Variants in MYCBPAP observed in about 807,000 individuals in gnomAD.
MYCBPAP encodes the protein MYCBP associated protein, also known as MYCBP-associated protein.
MYCBPAP carries 60 observed loss-of-function variants against 106.1 expected under a neutral mutation model. The observed-to-expected ratio is 0.57, with a 90% CI of 0.46 to 0.70. The LOEUF (loss-of-function observed/expected upper bound fraction) is 0.70. Among genes scored for constraint, MYCBPAP ranks in the 30% least tolerant of loss-of-function variants. The pLI is 0.00. For missense variants in MYCBPAP, 1,064 were observed against 1,169.3 expected (o/e 0.91, Z 1.31); for synonymous variants, 407 against 440.6 (o/e 0.92, Z 0.95).
At chr17:50,519,944 G>A (rs2034199327) in intron 7 of MYCBPAP, 157 bp downstream of exon 7, 1 of 758,744 alleles carries the variant, frequency 1.3e-6, no homozygotes, top group African/African-American at 1.8e-5. Context: ...TCTTCCTGAA[G>A]TCCGGCTCCC....
chr17:50,519,774 C>T lies in MYCBPAP; in HGVS notation c.903C>T (p.Ile301=). Residue 301 remains isoleucine (I), a synonymous_variant, in exon 7 of 19, where the codon ATC becomes ATT. Transcript: ENST00000323776. ...CTCACATCAGGAAGCCCCACTCCAT[C>T]CGGGTGGAGACAGGTGAGGCGCAGG... The part of the protein sequence containing the change: ...PITHIRKPHS[I]RVETGLPAQR... The T allele has an allele frequency of 6.2e-7, 1 of 1,613,740 alleles. No individual in the cohort carries two copies. Among genetic ancestry groups the T allele is most frequent in the Non-Finnish European group, 8.5e-7 (1 of 1,179,898 alleles).
chr17:50,520,620 A>G (rs760086721), intron 7 of MYCBPAP, among the ~76,000 whole-genome samples: 5 of 152,148 alleles, frequency 3.3e-5, no homozygotes, highest in Non-Finnish European at 7.3e-5. Context: ...TTTCAGTGAC[A>G]CGTGTGGCTT....
At chr17:50,515,166 C>T (rs1007692272) in intron 1 of MYCBPAP, among the ~76,000 whole-genome samples, 5 of 152,052 alleles carry the variant, frequency 3.3e-5, no homozygotes, top group Admixed American at 1.3e-4. Context: ...CCAGCTTCTT[C>T]AGCTCTATTT....
chr17:50,528,557 TCATGAAGC>T, intron 16 of MYCBPAP, 130 bp from the exon 17 acceptor site: 4 of 1,151,588 alleles, frequency 3.5e-6, no homozygotes, highest in Non-Finnish European at 4.9e-6. Flanking sequence ...CAGTCCTGTT[TCATGAAGC>T]CACGCGCCTA....
rs56894700 is a variant in MYCBPAP, at chr17:50,510,692, A to ATT, written c.76+1961_76+1962dup. Among the ~76,000 whole-genome samples the ATT allele has an allele frequency of 7.6e-3, 850 of 111,154 alleles. 26 individuals are homozygous for ATT. The highest frequency in any genetic ancestry group is 0.029 in the Middle Eastern group (6 of 206). 72.9% of individuals were successfully genotyped at this position (111,154 alleles called of 152,430 possible). On this transcript the variant is annotated intron_variant, in intron 1 of 18. Transcript: ENST00000323776. ...AGGTGCACACCACCATGCCTGGCAA[A>ATT]TTTTTTTTTTTTTTTTTTTTGTAGA...
chr17:50,514,015 CTG>C (rs1374003130), intron 1 of MYCBPAP, among the ~76,000 whole-genome samples: 1 of 152,178 alleles, frequency 6.6e-6, no homozygotes, highest in Non-Finnish European at 1.5e-5. Flanking sequence ...CAGAAACAGA[CTG>C]TGGATGATAG....
chr17:50,529,376 C>CT, intron 18 of MYCBPAP, 188 bp downstream of exon 18: 2 of 587,752 alleles, frequency 3.4e-6, no homozygotes, highest in Non-Finnish European at 6.0e-6. Context: ...ATGAGTACGA[C>CT]GGGAGAGAAG....
chr17:50,509,843 G>A (rs983080231), intron 1 of MYCBPAP: 1 of 152,320 alleles, frequency 6.6e-6, no homozygotes, highest in African/African-American at 2.4e-5. Flanking sequence ...TACAAATGCT[G>A]TGATGTAGGT....
intron 14 of MYCBPAP, 150 bp downstream of exon 14, chr17:50,526,417 T>TTTATTTAC: frequency 7.3e-6 from 3 of 410,770 alleles, no homozygotes; most frequent in Non-Finnish European, 1.1e-5. Context: ...TATCTATCTA[T>TTTATTTAC]TTATTTATTT....
chr17:50,511,527 A>G (rs978915789), intron 1 of MYCBPAP, among the ~76,000 whole-genome samples: 3 of 152,234 alleles, frequency 2.0e-5, no homozygotes, highest in African/African-American at 4.8e-5. Context: ...CAGAAGAAAT[A>G]GAGTCCGGGT....
intron 18 of MYCBPAP, chr17:50,529,744 CTCTT>C: frequency 2.2e-6 from 1 of 456,560 alleles, no homozygotes; most frequent in South Asian, 1.5e-5. Context: ...GGAAGCCCTT[CTCTT>C]TCTTACTCCC....
At chr17:50,523,852 G>A (rs1158087589) in intron 12 of MYCBPAP, 68 bp downstream of exon 12, 10 of 1,437,438 alleles carry the variant, frequency 7.0e-6, no homozygotes, top group Non-Finnish European at 9.5e-6. Context: ...TCCTGGCAGT[G>A]ACTGAAGGGA....
chr17:50,512,053 CTTTTTTTTTT>C (rs774304337), intron 1 of MYCBPAP, among the ~76,000 whole-genome samples: 1 of 131,856 alleles, frequency 7.6e-6, no homozygotes, highest in Non-Finnish European at 1.6e-5. Flanking sequence ...AGCAAGTTTT[CTTTTTTTTTT>C]TTTTTTGAGA....
At chr17:50,517,950 G>C (rs931698645) in intron 4 of MYCBPAP, among the ~76,000 whole-genome samples, 2 of 152,212 alleles carry the variant, frequency 1.3e-5, no homozygotes, top group African/African-American at 4.8e-5. Context: ...GAGTACCTGG[G>C]TCTGGGTAGA....
intron 9 of MYCBPAP, among the ~76,000 whole-genome samples, chr17:50,521,687 C>G (rs1278986622): frequency 6.6e-6 from 1 of 152,216 alleles, no homozygotes; most frequent in Non-Finnish European, 1.5e-5. Context: ...TCTCTAGACC[C>G]TCCCACTGCT....
At chr17:50,513,138 A>C (rs1163741008) in intron 1 of MYCBPAP, among the ~76,000 whole-genome samples, 1 of 150,438 alleles carries the variant, frequency 6.6e-6, no homozygotes, top group Non-Finnish European at 1.5e-5. Flanking sequence ...GAATCGCTTG[A>C]ACCTGGGAGG....
intron 15 of MYCBPAP, 77 bp downstream of exon 15, chr17:50,527,485 G>A: frequency 6.4e-7 from 1 of 1,566,746 alleles, no homozygotes. Flanking sequence ...AGGCAGTCCT[G>A]GGACTCCAGG....
At chr17:50,519,931 G>A (rs1341607167) in intron 7 of MYCBPAP, 144 bp downstream of exon 7, 1 of 851,792 alleles carries the variant, frequency 1.2e-6, no homozygotes, top group East Asian at 2.8e-5. Flanking sequence ...GCAAGTCCCA[G>A]AGTCTTCCTG....
intron 18 of MYCBPAP, 93 bp from the exon 19 acceptor site, chr17:50,531,234 T>C (rs2034631936): frequency 1.4e-6 from 1 of 721,276 alleles, no homozygotes; most frequent in African/African-American, 1.9e-5. Flanking sequence ...ACTGGTTTCT[T>C]TCCCCTCTCC....
Sources: gnomAD v4.1 joint callset for allele counts (sites outside exome capture counted in the v4.1 genomes callset) on GRCh38, gnomAD v4.1.1 for gene constraint, MANE v1.5 for transcripts, NCBI Gene and HGNC (gene_info 2026-07-23, HGNC 2026-07-21) for gene names.